BTBD8: variants seen among roughly 807,000 people sequenced by gnomAD.
BTBD8 encodes BTB domain containing 8.
Under a neutral mutation model 162.9 loss-of-function variants are expected in BTBD8, and 110 were observed. The observed-to-expected ratio is 0.68, with a 90% CI of 0.58 to 0.79. The LOEUF (loss-of-function observed/expected upper bound fraction) is 0.79. Ranked by LOEUF, BTBD8 falls within the 30% of genes least tolerant of loss-of-function variation. The pLI is 0.00. For synonymous variants in BTBD8, 667 were observed against 716.1 expected, an observed-to-expected ratio of 0.93 and a Z score of 1.10; for missense variants, 1,905 against 2,085.4, an observed-to-expected ratio of 0.91 and a Z score of 1.68.
intron 5 of BTBD8, among the ~76,000 whole-genome samples, chr1:92,138,538 A>G (rs1276841406): frequency 6.6e-6 from 1 of 152,240 alleles, no homozygotes; most frequent in Admixed American, 6.5e-5. Context: ...TGCATGGCAG[A>G]TATACTTCTT....
Position 92,080,679 on chromosome 1 carries a change from G to T in BTBD8, c.108G>T (p.Leu36=). The change falls in exon 1 of 18, where the codon CTG becomes CTT. Residue 36 remains leucine (L), a synonymous_variant. Transcript: ENST00000636805. Reference sequence around the variant, plus strand: ...AGGGGCCGTGTGAGCGGCGCCGGCTGAAGGCGACGGTGTCGGAGCAGCTCA... The same window carrying T: ...AGGGGCCGTGTGAGCGGCGCCGGCTTAAGGCGACGGTGTCGGAGCAGCTCA... ...QRKGPCERRR[L]KATVSEQLSQ... The T allele has an allele frequency of 6.2e-7, 1 of 1,613,054 alleles. No homozygotes were observed. Among genetic ancestry groups the T allele is most frequent in the Non-Finnish European group, 8.5e-7 (1 of 1,179,594 alleles).
chr1:92,169,845 A>C (rs904420051), intron 12 of BTBD8, among the ~76,000 whole-genome samples: 1 of 152,212 alleles, frequency 6.6e-6, no homozygotes, highest in African/African-American at 2.4e-5. Context: ...CATTATAAGC[A>C]TTACATGATA....
Position 92,080,486 on chromosome 1 carries a change from T to G in BTBD8, c.-86T>G, listed in dbSNP as rs1338045229. ...GCGGATTTGGGTAGGAGCCGAGCGT[T>G]CGGTCGGAAACGCCCCCTTCTTCCT... On this transcript the variant is annotated 5_prime_UTR_variant, in exon 1 of 18. Coordinates refer to ENST00000636805, the MANE Select transcript of BTBD8 (RefSeq NM_001376131.1). The G allele has an allele frequency of 1.9e-6, 3 of 1,559,864 alleles. No homozygotes were observed. Among genetic ancestry groups the G allele is most frequent in the Non-Finnish European group, 2.6e-6 (3 of 1,158,982 alleles).
chr1:92,107,250 A>C (rs530848832), intron 3 of BTBD8, among the ~76,000 whole-genome samples: 1 of 152,272 alleles, frequency 6.6e-6, no homozygotes, highest in Non-Finnish European at 1.5e-5. Flanking sequence ...GATGCTCATA[A>C]AGAGGCTTCA....
chr1:92,131,804 C>T (rs999282475), intron 5 of BTBD8, among the ~76,000 whole-genome samples: 1 of 151,772 alleles, frequency 6.6e-6, no homozygotes, highest in African/African-American at 2.4e-5. Flanking sequence ...CAACATAGGG[C>T]CTCAAGTGAT....
At position 92,180,339 on chromosome 1, in the gene BTBD8, T is replaced by C. The variant is rs1650846223; in HGVS notation, c.2656T>C (p.Leu886=). 1 of 1,551,388 alleles carries C rather than the reference T, an allele frequency of 6.4e-7. No individual in the cohort carries two copies. The highest frequency in any genetic ancestry group is 1.4e-5 in the African/African-American group (1 of 73,004). Residue 886 remains leucine, a synonymous_variant, in exon 17 of 18, where the codon TTG becomes CTG. Transcript: ENST00000636805. ...SRQSDENVAK[L]DHNTTTEKQA... The stretch of plus-strand genomic sequence containing the variant: ...GCAGTCTGATGAAAATGTGGCAAAG[T>C]TGGACCACAATACAACTACAGAGAA...
In BTBD8 at chr1:92,141,301, T is replaced by G. The variant is rs977520858; in HGVS notation, c.930+90T>G. ...TTTAACTCTGATAGTAATAGTGCTT[T>G]AAATATTTAAAATATTAAGTAAATT... is the stretch of plus-strand genomic sequence containing the variant. On this transcript the variant is annotated intron_variant, in intron 7 of 17. Transcript: ENST00000636805. 3.1e-6 allele frequency: 4 copies of G among 1,271,654 alleles called. No individual in the cohort carries two copies. In the African/African-American group the frequency reaches 4.7e-5, roughly 15 times the overall value. The allele number at this position is 1,271,654 out of a possible 1,614,324, so 78.8% of individuals were successfully genotyped here.
At chr1:92,161,145 A>C (rs1392261667) in intron 9 of BTBD8, among the ~76,000 whole-genome samples, 1 of 152,180 alleles carries the variant, frequency 6.6e-6, no homozygotes, top group African/African-American at 2.4e-5. Context: ...GGAGCCTCTC[A>C]ACTAGTTTCT....
At chr1:92,151,030 G>T (rs1272307816) in intron 9 of BTBD8, 5 of 152,112 alleles carry the variant, frequency 3.3e-5, no homozygotes, top group Non-Finnish European at 7.4e-5. Context: ...ATAAGTGTAA[G>T]ATATCAGCTG....
intron 9 of BTBD8, among the ~76,000 whole-genome samples, chr1:92,160,675 C>T (rs1195613540): frequency 1.3e-5 from 2 of 152,048 alleles, no homozygotes; most frequent in South Asian, 2.1e-4. Context: ...ACACTCCTTC[C>T]TGCCCCAAGT....
chr1:92,110,968 C>T (rs886853003), intron 4 of BTBD8, among the ~76,000 whole-genome samples: 6 of 150,134 alleles, frequency 4.0e-5, no homozygotes, highest in Non-Finnish European at 8.9e-5. Context: ...TATGCTGCCT[C>T]GTTGAAAAAG....
chr1:92,080,685 G>C lies in BTBD8; in HGVS notation c.114G>C (p.Ala38=), dbSNP rs1383062045. Residue 38 remains alanine (A), a synonymous_variant, in exon 1 of 18, where the codon GCG becomes GCC. Transcript: ENST00000636805. ...KGPCERRRLK[A]TVSEQLSQDL... The stretch of plus-strand genomic sequence containing the variant: ...CGTGTGAGCGGCGCCGGCTGAAGGC[G>C]ACGGTGTCGGAGCAGCTCAGCCAGG... 1 of 1,612,730 alleles carries C rather than the reference G, an allele frequency of 6.2e-7. No individual in the cohort carries two copies. Among genetic ancestry groups the C allele is most frequent in the South Asian group, 1.1e-5 (1 of 90,794 alleles).
chr1:92,106,935 A>G (rs1557442036), intron 3 of BTBD8, among the ~76,000 whole-genome samples: 1 of 151,752 alleles, frequency 6.6e-6, no homozygotes, highest in Non-Finnish European at 1.5e-5. Flanking sequence ...GTAGCTGAGC[A>G]TGGTGGCGTA....
chr1:92,157,904 A>G (rs1017798784), intron 9 of BTBD8, among the ~76,000 whole-genome samples: 1 of 152,168 alleles, frequency 6.6e-6, no homozygotes, highest in African/African-American at 2.4e-5. Flanking sequence ...CTTGCTTTAT[A>G]TATTTAGGTA....
At chr1:92,127,215 A>G (rs766941384) in intron 4 of BTBD8, among the ~76,000 whole-genome samples, 2 of 152,216 alleles carry the variant, frequency 1.3e-5, no homozygotes, top group African/African-American at 2.4e-5. Flanking sequence ...ATTTAACTAC[A>G]TCTGCCTCTG....
chr1:92,128,239 C>T (rs1557449432), intron 4 of BTBD8, among the ~76,000 whole-genome samples: 1 of 151,808 alleles, frequency 6.6e-6, no homozygotes, highest in African/African-American at 2.4e-5. Flanking sequence ...GCCTCAGCCT[C>T]CCGAGTAGTT....
intron 5 of BTBD8, among the ~76,000 whole-genome samples, chr1:92,130,043 T>A (rs1347006966): frequency 1.3e-5 from 2 of 152,230 alleles, no homozygotes; most frequent in African/African-American, 2.4e-5. Context: ...TTCTGGAAAC[T>A]GGAAGTTCAA....
intron 9 of BTBD8, among the ~76,000 whole-genome samples, chr1:92,162,399 A>G (rs1650291062): frequency 1.3e-5 from 2 of 152,164 alleles, no homozygotes; most frequent in South Asian, 4.1e-4. Flanking sequence ...TTAATATTTC[A>G]TTGTTCTGTC....
At chr1:92,172,500 A>G (rs1172060590) in intron 13 of BTBD8, among the ~76,000 whole-genome samples, 1 of 152,214 alleles carries the variant, frequency 6.6e-6, no homozygotes, top group Non-Finnish European at 1.5e-5. Flanking sequence ...ATAACCTGAA[A>G]TAAATTTGTC....
Sources: allele counts gnomAD v4.1 joint callset (sites outside exome capture counted in the v4.1 genomes callset), GRCh38; gene constraint gnomAD v4.1.1; transcripts MANE v1.5; gene names NCBI Gene and HGNC (gene_info 2026-07-23, HGNC 2026-07-21).